NOTCH3: variants seen among roughly 807,000 people sequenced by gnomAD.
The protein encoded by NOTCH3 is neurogenic locus notch homolog protein 3.
NOTCH3 carries 86 observed loss-of-function variants against 213.3 expected under a neutral mutation model. The observed-to-expected ratio is 0.40, with a 90% CI of 0.34 to 0.48. The LOEUF (loss-of-function observed/expected upper bound fraction) is 0.48. NOTCH3 is among the 20% of genes least tolerant of loss of function. NOTCH3 has a pLI of 0.57. For synonymous variants in NOTCH3, 1,354 were observed against 1,355.9 expected (o/e 1.00, Z 0.03); for missense variants, 2,783 against 3,272.6 (o/e 0.85, Z 3.65).
Position 15,165,351 on chromosome 19 carries a change from T to G in NOTCH3, c.5815+17A>C, listed in dbSNP as rs539252553. 3 of 1,602,788 alleles carry G rather than the reference T, an allele frequency of 1.9e-6. No individual in the cohort carries two copies. The African/African-American group carries it at 4.0e-5, about 21-fold the overall frequency. The stretch of plus-strand genomic sequence containing the variant: ...TGACACCAACCCAGCTTAGACTTGA[T>G]TCCTCTGCCAACCTACCAAGCTCAT... On this transcript the variant is annotated intron_variant, in intron 31 of 32. Coordinates refer to ENST00000263388, the MANE Select transcript of NOTCH3 (RefSeq NM_000435.3). The surrounding 1 kb of genome is among the most constrained non-coding windows in gnomAD (Gnocchi z 4.7).
intron 1 of NOTCH3, among the ~76,000 whole-genome samples, chr19:15,198,979 G>A (rs1395314719): frequency 6.6e-6 from 1 of 152,116 alleles, no homozygotes; most frequent in Admixed American, 6.5e-5. Context: ...AATCTGTCGA[G>A]CTGAACCTGA....
chr19:15,193,792 A>AAC (rs2046949391), intron 2 of NOTCH3, among the ~76,000 whole-genome samples: 1 of 138,214 alleles, frequency 7.2e-6, no homozygotes, highest in African/African-American at 2.7e-5. Context: ...AAAAACAAAA[A>AAC]AAACAAACAG....
At chr19:15,173,984 A>C in intron 25 of NOTCH3, 84 bp downstream of exon 25, 1 of 1,208,074 alleles carries the variant, frequency 8.3e-7, no homozygotes, top group South Asian at 1.5e-5. Context: ...AAAGGCATTA[A>C]GTGAAATGAA....
In NOTCH3 at chr19:15,185,121, C is replaced by T. The variant is rs991574806; in HGVS notation, c.2297-102G>A. The T allele has an allele frequency of 7.7e-5, 103 of 1,338,804 alleles. No homozygotes were observed. The Admixed American group carries it at 1.8e-3, about 23-fold the overall frequency. 82.9% of individuals were successfully genotyped at this position (1,338,804 alleles called of 1,614,324 possible). On this transcript the variant is annotated intron_variant, in intron 14 of 32. Transcript: ENST00000263388. The surrounding 1 kb of genome is among the most constrained non-coding windows in gnomAD (Gnocchi z 4.2). ...ACCCCAGGGTCCCCACCTTGATACC[C>T]ACCTCCCAAGCTCCTGGAGGGAAAT... is the stretch of plus-strand genomic sequence containing the variant.
Position 15,191,472 on chromosome 19 carries a change from G to A in NOTCH3, c.988C>T (p.His330Tyr), listed in dbSNP as rs2046925940. 1 of 1,613,330 alleles carries A rather than the reference G, an allele frequency of 6.2e-7. No individual in the cohort carries two copies. Residue 330 changes from histidine to tyrosine, a missense_variant, in exon 6 of 33, where the codon CAT becomes TAT. Transcript: ENST00000263388. ...CAGTAGAAAGAAGCCACGCGGTCAT[G>A]GCAGGTGGCCCCATGGAAGCACACG... ...TAVCFHGATCHDRVASFYCAC... is the reference protein window; with the variant it reads ...TAVCFHGATCYDRVASFYCAC...
At chr19:15,170,856 C>T (rs377007385) in intron 25 of NOTCH3, 31 bp from the exon 26 acceptor site, 3 of 1,611,150 alleles carry the variant, frequency 1.9e-6, no homozygotes, top group Non-Finnish European at 2.5e-6. Flanking sequence ...GACCAGAGGG[C>T]TCAAAAATTG....
intron 24 of NOTCH3, among the ~76,000 whole-genome samples, chr19:15,176,960 T>C (rs1234743370): frequency 6.7e-6 from 1 of 149,738 alleles, no homozygotes. Flanking sequence ...TAGTCCCAGC[T>C]ACTCGGAAGG....
rs2046726363 is a variant in NOTCH3, at chr19:15,170,702, C to A, written c.4860G>T (p.Leu1620=). ...CGTCCCGCAGTGGGTACGGGAAGTC[C>A]AGGCGCTCCACCGCTGACAACGCTC... is the stretch of plus-strand genomic sequence containing the variant. ...YLGALSAVER[L]DFPYPLRDVR... The change falls in exon 26 of 33, where the codon CTG becomes CTT. Residue 1620 remains leucine (L), a synonymous_variant. Transcript: ENST00000263388. The A allele has an allele frequency of 1.3e-6, 2 of 1,594,584 alleles. No homozygotes were observed. Among genetic ancestry groups the A allele is most frequent in the Admixed American group, 1.8e-5 (1 of 56,936 alleles).
Position 15,177,620 on chromosome 19 carries a change from G to C in NOTCH3, c.4308C>G (p.Leu1436=), listed in dbSNP as rs767118075. 3 of 1,588,568 alleles carry C rather than the reference G, an allele frequency of 1.9e-6. No homozygotes were observed. In the East Asian group the frequency reaches 6.9e-5, roughly 37 times the overall value. The part of the protein sequence containing the change: ...RQCEALQCWR[L]FNNSRCDPAC... ...CGGGGTCGCAGCGGCTGTTGTTGAA[G>C]AGGCGCCAGCACTGCAGCGCCTCGC... Residue 1436 remains leucine, a synonymous_variant, in exon 24 of 33, where the codon CTC becomes CTG. Coordinates refer to ENST00000263388, the MANE Select transcript of NOTCH3 (RefSeq NM_000435.3).
intron 17 of NOTCH3, 100 bp downstream of exon 17, chr19:15,181,476 C>G (rs1385176947): frequency 1.0e-6 from 1 of 984,486 alleles, no homozygotes; most frequent in African/African-American, 1.6e-5. Context: ...GGGTACCAAG[C>G]TGAGGACTCC....
intron 28 of NOTCH3, among the ~76,000 whole-genome samples, chr19:15,168,572 G>A (rs1315863396): frequency 1.3e-5 from 2 of 152,102 alleles, no homozygotes; most frequent in Non-Finnish European, 2.9e-5. Flanking sequence ...GGTGGCTCAC[G>A]TCTGTAATCC....
At chr19:15,166,913 G>A (rs969643795) in intron 29 of NOTCH3, among the ~76,000 whole-genome samples, 4 of 151,264 alleles carry the variant, frequency 2.6e-5, no homozygotes, top group Admixed American at 6.6e-5. Context: ...GGATGAGCAC[G>A]TGACCCTAGT....
intron 16 of NOTCH3, among the ~76,000 whole-genome samples, chr19:15,182,034 T>C (rs891445662): frequency 2.0e-5 from 3 of 152,218 alleles, no homozygotes; most frequent in Non-Finnish European, 4.4e-5. Context: ...AAAAGGTCCC[T>C]TTAAGCTGCC....
At chr19:15,183,734 T>G (rs1376157533) in intron 16 of NOTCH3, among the ~76,000 whole-genome samples, 2 of 151,960 alleles carry the variant, frequency 1.3e-5, no homozygotes, top group Non-Finnish European at 2.9e-5. Flanking sequence ...TTGCACATGA[T>G]ATTAACTCGA....
At position 15,170,681 on chromosome 19, in the gene NOTCH3, C is replaced by A. The variant is rs2145401216; in HGVS notation, c.4881G>T (p.Arg1627=). ...VERLDFPYPL[R]DVRGEPLEPP... ...AAGGCAGGGCCGCACCCCGCACGTC[C>A]CGCAGTGGGTACGGGAAGTCCAGGC... The change falls in exon 26 of 33, where the codon CGG becomes CGT. Residue 1627 remains arginine, a synonymous_variant. Coordinates refer to ENST00000263388, the MANE Select transcript of NOTCH3 (RefSeq NM_000435.3). 12 of 1,578,120 alleles carry A rather than the reference C, an allele frequency of 7.6e-6. No homozygotes were observed. Among genetic ancestry groups the A allele is most frequent in the Non-Finnish European group, 9.5e-6 (11 of 1,163,138 alleles).
chr19:15,186,964 T>C lies in NOTCH3; in HGVS notation c.1865A>G (p.Asp622Gly), dbSNP rs747409879. 4 of 1,614,058 alleles carry C rather than the reference T, an allele frequency of 2.5e-6. No homozygotes were observed. In the African/African-American group the frequency reaches 5.3e-5, roughly 22 times the overall value. ...TTGVNCEVNI[D>G]DCASNPCTFG... The stretch of plus-strand genomic sequence containing the variant: ...GGTGCAGGGGTTGCTGGCACAGTCG[T>C]CAATGTTCACTTCGCAGTTCACACC... Residue 622 changes from aspartate to glycine, a missense_variant, in exon 12 of 33, where the codon GAC (aspartate) becomes GGC (glycine). Physicochemically the swap from Asp to Gly is moderately conservative, Grantham distance 94 (BLOSUM62 -1). Coordinates refer to ENST00000263388, the MANE Select transcript of NOTCH3 (RefSeq NM_000435.3).
At chr19:15,194,081 A>AAAAAAT (rs1477778802) in intron 2 of NOTCH3, among the ~76,000 whole-genome samples, 1 of 151,380 alleles carries the variant, frequency 6.6e-6, no homozygotes, top group African/African-American at 2.4e-5. Context: ...GACTCCACCT[A>AAAAAAT]AAAAATAAAA....
rs1469970917 is a variant in NOTCH3, at chr19:15,184,397, G to T, written c.2464C>A (p.Pro822Thr). The T allele has an allele frequency of 1.2e-6, 2 of 1,613,882 alleles. No homozygotes were observed. Among genetic ancestry groups the T allele is most frequent in the Middle Eastern group, 1.7e-4 (1 of 6,058 alleles). Reference protein sequence around the residue: ...DECAGPAPCGPHGICTNLAGS... With the variant: ...DECAGPAPCGTHGICTNLAGS... The stretch of plus-strand genomic sequence containing the variant: ...GCCAGGTTGGTGCAGATACCATGAG[G>T]GCCACAGGGTGCGGGGCCAGCACAC... Residue 822 changes from proline (P) to threonine (T), a missense_variant, in exon 16 of 33, where the codon CCT becomes ACT. Physicochemically the swap from Pro to Thr is conservative, Grantham distance 38. Coordinates refer to ENST00000263388, the MANE Select transcript of NOTCH3 (RefSeq NM_000435.3).
At chr19:15,183,542 G>A (rs1463878320) in intron 16 of NOTCH3, among the ~76,000 whole-genome samples, 1 of 152,122 alleles carries the variant, frequency 6.6e-6, no homozygotes, top group Non-Finnish European at 1.5e-5. Context: ...TGGGATTACA[G>A]GCATGCGCCA....
Sources: gnomAD v4.1 joint callset for allele counts (sites outside exome capture counted in the v4.1 genomes callset) on GRCh38, gnomAD v4.1.1 for gene constraint, Gnocchi (gnomAD v3.1) non-coding constraint, MANE v1.5 for transcripts, NCBI Gene and HGNC (gene_info 2026-07-23, HGNC 2026-07-21) for gene names.